The following ME3 variants were observed in gnomAD, a reference collection of about 807,000 sequenced individuals.
ME3 encodes malic enzyme 3, also known as NADP-dependent malic enzyme, mitochondrial.
ME3 carries 48 observed loss-of-function variants against 68.9 expected under a neutral mutation model. The ratio of observed to expected loss-of-function variants is 0.70; its 90% confidence interval spans 0.55 to 0.89. The LOEUF (loss-of-function observed/expected upper bound fraction) is 0.89. ME3 is among the 40% of genes least tolerant of loss of function. ME3 has a pLI of 0.00. For missense variants in ME3, 675 were observed against 797.4 expected, an observed-to-expected ratio of 0.85 and a Z score of 1.85; for synonymous variants, 320 against 318.8, an observed-to-expected ratio of 1.00 and a Z score of -0.04.
At chr11:86,665,263 T>C (rs1946521072) in intron 2 of ME3, among the ~76,000 whole-genome samples, 1 of 152,102 alleles carries the variant, frequency 6.6e-6, no homozygotes, top group African/African-American at 2.4e-5. Flanking sequence ...TATGAGGAAG[T>C]GTCAAATACT....
At chr11:86,635,853 C>T (rs186829130) in intron 2 of ME3, among the ~76,000 whole-genome samples, 1 of 152,206 alleles carries the variant, frequency 6.6e-6, no homozygotes, top group South Asian at 2.1e-4. Flanking sequence ...ACTCATCTTG[C>T]AGACAAGGAA....
intron 4 of ME3, among the ~76,000 whole-genome samples, chr11:86,540,762 A>G (rs146206502): frequency 1.3e-5 from 2 of 152,200 alleles, no homozygotes; most frequent in East Asian, 1.9e-4. Flanking sequence ...GCAACCTTCA[A>G]TTTTCAATGA....
At chr11:86,633,790 C>T (rs1218877087) in intron 2 of ME3, among the ~76,000 whole-genome samples, 2 of 152,144 alleles carry the variant, frequency 1.3e-5, no homozygotes, top group African/African-American at 4.8e-5. Context: ...GAAGCATCTA[C>T]CATGGGCCTC....
intron 2 of ME3, among the ~76,000 whole-genome samples, chr11:86,563,080 C>A (rs983938601): frequency 4.6e-5 from 7 of 151,994 alleles, no homozygotes; most frequent in African/African-American, 1.7e-4. Context: ...TTGATGGGCA[C>A]CTGAGTTGAT....
At chr11:86,511,735 C>T (rs547795056) in intron 4 of ME3, among the ~76,000 whole-genome samples, 2 of 152,296 alleles carry the variant, frequency 1.3e-5, no homozygotes, top group South Asian at 4.1e-4. Flanking sequence ...TAATCCCTTA[C>T]TGCTCAACAG....
At chr11:86,473,303 G>T (rs1393317941) in intron 7 of ME3, among the ~76,000 whole-genome samples, 2 of 152,230 alleles carry the variant, frequency 1.3e-5, no homozygotes, top group African/African-American at 4.8e-5. Flanking sequence ...TGGAGTCGTT[G>T]TTTAGAGGAT....
intron 4 of ME3, among the ~76,000 whole-genome samples, chr11:86,509,073 G>A (rs1953305111): frequency 6.6e-6 from 1 of 152,156 alleles, no homozygotes; most frequent in Non-Finnish European, 1.5e-5. Context: ...GAGTCCATGG[G>A]GCCATGGGGT....
intron 4 of ME3, among the ~76,000 whole-genome samples, chr11:86,542,645 T>C (rs1206990964): frequency 6.6e-6 from 1 of 152,156 alleles, no homozygotes; most frequent in African/African-American, 2.4e-5. Context: ...CCAAGAAATA[T>C]GGTATATGTG....
At chr11:86,653,661 C>T (rs1210634332) in intron 2 of ME3, among the ~76,000 whole-genome samples, 1 of 152,214 alleles carries the variant, frequency 6.6e-6, no homozygotes, top group Non-Finnish European at 1.5e-5. Context: ...CTACAATTGA[C>T]ACCCTAACAT....
chr11:86,518,879 A>G (rs1954070917), intron 4 of ME3, among the ~76,000 whole-genome samples: 1 of 152,222 alleles, frequency 6.6e-6, no homozygotes. Flanking sequence ...GATGATAGAA[A>G]CAGAGATTGG....
intron 5 of ME3, among the ~76,000 whole-genome samples, chr11:86,505,313 G>T (rs1386434812): frequency 6.6e-6 from 1 of 152,124 alleles, no homozygotes. Flanking sequence ...GGAGGGGTCT[G>T]GGGTAAGCCA....
chr11:86,448,421 C>T (rs1949444470), intron 10 of ME3, among the ~76,000 whole-genome samples, 166 bp from the exon 11 acceptor site: 4 of 152,186 alleles, frequency 2.6e-5, no homozygotes, highest in Non-Finnish European at 5.9e-5. Context: ...CTGGCAGAAC[C>T]TATGGTGGGA....
chr11:86,541,044 A>C (rs1594365375), intron 4 of ME3, among the ~76,000 whole-genome samples: 2 of 151,832 alleles, frequency 1.3e-5, no homozygotes, highest in South Asian at 4.2e-4. Flanking sequence ...GGGTCAGGGA[A>C]CTCCCTCCCC....
intron 7 of ME3, among the ~76,000 whole-genome samples, chr11:86,467,488 G>A (rs984716097): frequency 1.3e-5 from 2 of 152,148 alleles, no homozygotes; most frequent in African/African-American, 2.4e-5. Flanking sequence ...TTTGGATTGG[G>A]TGGGGAGGAA....
rs149327184 is a variant in ME3, at chr11:86,632,889, C to T, written c.183+38873G>A. On this transcript the variant is annotated intron_variant, in intron 2 of 14. Transcript: ENST00000543262. ...AGGGCTATATGGACAGGAAACACAA[C>T]GGTGAGGAAGGGCTTTCAGAATCCA... Among the ~76,000 whole-genome samples, 17 of 152,250 alleles carry T rather than the reference C, an allele frequency of 1.1e-4. No individual in the cohort carries two copies. In the South Asian group the frequency reaches 2.1e-3, roughly 19 times the overall value.
At chr11:86,604,547 G>C (rs1022320432) in intron 2 of ME3, among the ~76,000 whole-genome samples, 2 of 152,102 alleles carry the variant, frequency 1.3e-5, no homozygotes, top group Non-Finnish European at 2.9e-5. Context: ...CTGGATAAAG[G>C]TAGAGAATTT....
intron 2 of ME3, among the ~76,000 whole-genome samples, chr11:86,640,511 C>T (rs1944601595): frequency 6.6e-6 from 1 of 152,208 alleles, no homozygotes; most frequent in Non-Finnish European, 1.5e-5. Context: ...CCTGGGGCCA[C>T]AGATTTTCAC....
chr11:86,450,530 G>A (rs1375868728), intron 8 of ME3, 132 bp from the exon 9 acceptor site: 2 of 640,168 alleles, frequency 3.1e-6, no homozygotes, highest in Admixed American at 2.9e-5. Context: ...ATGCCCTGTA[G>A]GCATGCAAGT....
In ME3 at chr11:86,573,428, C is replaced by CTTT. The variant is rs33973657; in HGVS notation, c.184-13608_184-13606dup. Among the ~76,000 whole-genome samples the CTTT allele has an allele frequency of 3.0e-3, 424 of 142,988 alleles. 1 individual carries two copies. The highest frequency in any genetic ancestry group is 6.9e-3 in the South Asian group (31 of 4,514). 93.8% of individuals were successfully genotyped at this position (142,988 alleles called of 152,430 possible). A position where few individuals can be genotyped will look rare whatever the true frequency, so the allele number is the denominator to read the frequency against. Reference sequence around the variant, plus strand: ...ATAGTTTTGGGTTTTACATTTTAGTCTTTTTTTTTTTTTGGTATATATGAA... The same window carrying CTTT: ...ATAGTTTTGGGTTTTACATTTTAGTCTTTTTTTTTTTTTTTTGGTATATATGAA... On this transcript the variant is annotated intron_variant, in intron 2 of 14. Transcript: ENST00000543262.
Sources: allele counts gnomAD v4.1 joint callset (sites outside exome capture counted in the v4.1 genomes callset), GRCh38; gene constraint gnomAD v4.1.1; transcripts MANE v1.5; gene names NCBI Gene and HGNC (gene_info 2026-07-23, HGNC 2026-07-21).